PLCH1: variants seen among roughly 807,000 people sequenced by gnomAD.
The protein encoded by PLCH1 is 1-phosphatidylinositol 4,5-bisphosphate phosphodiesterase eta-1.
A neutral mutation model predicts 126.7 loss-of-function variants in PLCH1; 60 were observed. That is an observed-to-expected ratio of 0.47 (90% CI 0.38 to 0.59). PLCH1 has a LOEUF of 0.59. PLCH1 is among the 20% of genes least tolerant of loss of function. The pLI, the probability that PLCH1 is intolerant of heterozygous loss-of-function variation, is 0.00. For missense variants in PLCH1, 1,723 were observed against 2,040.0 expected (o/e 0.84, Z 2.99); for synonymous variants, 719 against 734.9 (o/e 0.98, Z 0.35).
At chr3:155,717,394 A>G (rs1042989729) in intron 1 of PLCH1, among the ~76,000 whole-genome samples, 1 of 152,174 alleles carries the variant, frequency 6.6e-6, no homozygotes, top group Non-Finnish European at 1.5e-5. Flanking sequence ...TTTCCCTTCC[A>G]TACTGCCCTA....
intron 6 of PLCH1, among the ~76,000 whole-genome samples, chr3:155,571,376 A>C (rs1729204777): frequency 6.6e-6 from 1 of 152,202 alleles, no homozygotes; most frequent in Non-Finnish European, 1.5e-5. Flanking sequence ...AAAGTCAATA[A>C]TGCCAATATT....
chr3:155,582,496 G>GA (rs1241936051), intron 6 of PLCH1, among the ~76,000 whole-genome samples: 1 of 152,112 alleles, frequency 6.6e-6, no homozygotes, highest in Non-Finnish European at 1.5e-5. Flanking sequence ...TAAAAAATTG[G>GA]AAAGTGTTCA....
rs780023795 is a variant in PLCH1, at chr3:155,483,062, C to T, written c.2975-11G>A. ...CATCTTTATCTTCTGCTGAAGGAGA[C>T]AAACAATATTTTAGGTGACATCTAT... is the stretch of plus-strand genomic sequence containing the variant. On this transcript the variant is annotated splice_polypyrimidine_tract_variant and intron_variant, in intron 22 of 22. Coordinates refer to ENST00000460012, the MANE Select transcript of PLCH1 (RefSeq NM_014996.4). 3 of 1,607,524 alleles carry T rather than the reference C, an allele frequency of 1.9e-6. No homozygotes were observed. The East Asian group carries it at 6.7e-5, about 36-fold the overall frequency.
At chr3:155,636,935 G>T (rs1487994885) in intron 2 of PLCH1, among the ~76,000 whole-genome samples, 1 of 151,666 alleles carries the variant, frequency 6.6e-6, no homozygotes, top group Non-Finnish European at 1.5e-5. Flanking sequence ...TAAAACTTTG[G>T]AGCTTATATT....
chr3:155,743,896 G>A (rs531950823), intron 1 of PLCH1, among the ~76,000 whole-genome samples: 1 of 152,058 alleles, frequency 6.6e-6, no homozygotes, highest in Non-Finnish European at 1.5e-5. Flanking sequence ...TGTTTTATTC[G>A]TCTCCCCTTT....
At chr3:155,543,922 C>T (rs1337324918) in intron 10 of PLCH1, among the ~76,000 whole-genome samples, 175 of 150,530 alleles carry the variant, frequency 1.2e-3, no homozygotes, top group African/African-American at 4.1e-3. Flanking sequence ...CAGTACCAGC[C>T]ACTGCAAAAT....
In PLCH1 at chr3:155,481,340, G is replaced by A. The variant is rs773139178; in HGVS notation, c.4686C>T (p.Leu1562=). Residue 1562 remains leucine (L), a synonymous_variant, in exon 23 of 23, where the codon CTC becomes CTT. Transcript: ENST00000460012. This position sits in a 1 kb window ranked among gnomAD's most constrained non-coding sequence, Gnocchi z 4.2. ...ACAACTTCCTGACCAGTGCCCGGGG[G>A]AGCTGATTGGCATCCTGCTTTGAAT... ...VLYSKQDANQ[L]PRALVRKLSS... 30 of 1,614,114 alleles carry A rather than the reference G, an allele frequency of 1.9e-5. No individual in the cohort carries two copies. The highest frequency in any genetic ancestry group is 2.5e-5 in the Non-Finnish European group (30 of 1,180,044).
intron 9 of PLCH1, among the ~76,000 whole-genome samples, chr3:155,552,917 T>C (rs2108462776): frequency 6.6e-6 from 1 of 152,242 alleles, no homozygotes; most frequent in African/African-American, 2.4e-5. Context: ...ACTCCCAGTT[T>C]CTGGCTGAGG....
chr3:155,570,187 CATTT>C (rs1729014473), intron 6 of PLCH1, among the ~76,000 whole-genome samples: 2 of 152,168 alleles, frequency 1.3e-5, no homozygotes, highest in South Asian at 4.1e-4. Context: ...CCCCTGATCT[CATTT>C]AATTAATCTC....
chr3:155,569,753 C>A (rs1188817990), intron 6 of PLCH1, among the ~76,000 whole-genome samples: 1 of 152,098 alleles, frequency 6.6e-6, no homozygotes, highest in Non-Finnish European at 1.5e-5. Context: ...GTTCACTTTG[C>A]AATTATTTTG....
chr3:155,667,322 C>A (rs1274481181), intron 2 of PLCH1, among the ~76,000 whole-genome samples: 5 of 151,682 alleles, frequency 3.3e-5, no homozygotes, highest in Non-Finnish European at 7.4e-5. Flanking sequence ...TGTAGGGGTA[C>A]AAAGAAACAA....
At chr3:155,686,318 G>C (rs895695403) in intron 2 of PLCH1, among the ~76,000 whole-genome samples, 4 of 152,174 alleles carry the variant, frequency 2.6e-5, no homozygotes, top group Non-Finnish European at 4.4e-5. Flanking sequence ...GTCAACTGTA[G>C]ATCCCCAGCA....
At chr3:155,547,277 A>G (rs74511854) in intron 10 of PLCH1, among the ~76,000 whole-genome samples, 140,276 of 149,928 alleles carry the variant, frequency 0.94, 66,333 homozygotes, top group African/African-American at 0.99. Context: ...CAGCCAAAAA[A>G]CACATGAAAA....
chr3:155,714,111 C>T (rs1747340924), intron 1 of PLCH1, among the ~76,000 whole-genome samples: 1 of 152,202 alleles, frequency 6.6e-6, no homozygotes, highest in Non-Finnish European at 1.5e-5. Flanking sequence ...AAAACTATAT[C>T]CTGTACTTCG....
intron 10 of PLCH1, among the ~76,000 whole-genome samples, chr3:155,533,991 T>C (rs1179348023): frequency 6.6e-6 from 1 of 152,226 alleles, no homozygotes; most frequent in Non-Finnish European, 1.5e-5. Flanking sequence ...TAGGCAGAAG[T>C]ATGCTACAGG....
At chr3:155,720,392 A>AT (rs1228759641) in intron 1 of PLCH1, among the ~76,000 whole-genome samples, 1 of 151,750 alleles carries the variant, frequency 6.6e-6, no homozygotes, top group Non-Finnish European at 1.5e-5. Context: ...TTATTTTTTT[A>AT]TTTTTTTATT....
chr3:155,600,984 CT>C (rs975637031), intron 2 of PLCH1, among the ~76,000 whole-genome samples: 33 of 151,348 alleles, frequency 2.2e-4, no homozygotes, highest in Non-Finnish European at 4.3e-4. Flanking sequence ...TCTACAAGGT[CT>C]TTTTTTTTAG....
intron 21 of PLCH1, among the ~76,000 whole-genome samples, chr3:155,470,623 G>C (rs1439677958): frequency 1.3e-5 from 2 of 152,066 alleles, no homozygotes; most frequent in African/African-American, 2.4e-5. Flanking sequence ...ACACATAATT[G>C]TCAGATTCAC....
At chr3:155,523,006 G>C (rs1052231382) in intron 11 of PLCH1, among the ~76,000 whole-genome samples, 2 of 151,652 alleles carry the variant, frequency 1.3e-5, no homozygotes, top group Admixed American at 6.6e-5. Flanking sequence ...ACGGAGTCTC[G>C]CTCTGTCGCC....
Sources: allele counts gnomAD v4.1 joint callset (sites outside exome capture counted in the v4.1 genomes callset), GRCh38; gene constraint gnomAD v4.1.1; non-coding constraint Gnocchi (gnomAD v3.1); transcripts MANE v1.5; gene names NCBI Gene and HGNC (gene_info 2026-07-23, HGNC 2026-07-21).